Variants in PPM1L observed in about 807,000 individuals in gnomAD.
The protein encoded by PPM1L is protein phosphatase, Mg2+/Mn2+ dependent 1L.
PPM1L carries 13 observed loss-of-function variants against 31.4 expected under a neutral mutation model. The ratio of observed to expected loss-of-function variants is 0.41; its 90% CI spans 0.27 to 0.66. PPM1L has a LOEUF of 0.66. Ranked by LOEUF, PPM1L falls within the 30% of genes least tolerant of loss-of-function variation. The pLI is 0.29. For missense variants in PPM1L, 326 were observed against 453.7 expected (o/e 0.72, Z 2.56); for synonymous variants, 184 against 175.4 (o/e 1.05, Z -0.39).
At chr3:161,005,753 A>T (rs1407262550) in intron 2 of PPM1L, among the ~76,000 whole-genome samples, 1 of 152,230 alleles carries the variant, frequency 6.6e-6, no homozygotes, top group Non-Finnish European at 1.5e-5. Flanking sequence ...GTTAGCTATT[A>T]TTCTTTAGAC....
intron 1 of PPM1L, among the ~76,000 whole-genome samples, chr3:160,888,708 A>G (rs952346969): frequency 2.0e-5 from 3 of 152,206 alleles, no homozygotes; most frequent in East Asian, 1.9e-4. Flanking sequence ...CTCCACCTCA[A>G]ATCAACAGAA....
At position 161,069,309 on chromosome 3, in the gene PPM1L, A is replaced by T; in HGVS notation, c.*152A>T. On this transcript the variant is annotated 3_prime_UTR_variant, in exon 4 of 4. Transcript: ENST00000498165. Reference sequence around the variant, plus strand: ...GGTGGTCTTAGGTCTATAATCAGTGACGAACAGAGGGTGCCCTTGGCCAAT... The same window carrying T: ...GGTGGTCTTAGGTCTATAATCAGTGTCGAACAGAGGGTGCCCTTGGCCAAT... 1.5e-6 allele frequency: 1 copy of T among 649,672 alleles called. No individual in the cohort carries two copies. The highest frequency in any genetic ancestry group is 2.6e-6 in the Non-Finnish European group (1 of 385,712). The allele number at this position is 649,672 out of a possible 1,614,324, so 40.2% of individuals were successfully genotyped here.
chr3:160,971,430 G>T (rs551828779), intron 2 of PPM1L, among the ~76,000 whole-genome samples: 1 of 152,342 alleles, frequency 6.6e-6, no homozygotes, highest in African/African-American at 2.4e-5. Flanking sequence ...CAGGTGCACA[G>T]TGTGTGCATT....
At chr3:160,871,995 T>A (rs141612696) in intron 1 of PPM1L, among the ~76,000 whole-genome samples, 118 of 152,338 alleles carry the variant, frequency 7.7e-4, no homozygotes, top group Middle Eastern at 3.4e-3. Flanking sequence ...AGCTGTGTTA[T>A]GTGCAACACA....
chr3:160,986,437 GA>G (rs1043513488), intron 2 of PPM1L, among the ~76,000 whole-genome samples: 3 of 151,334 alleles, frequency 2.0e-5, no homozygotes, highest in African/African-American at 7.3e-5. Flanking sequence ...CCCTCTTTAG[GA>G]AAAAAATAAA....
intron 2 of PPM1L, among the ~76,000 whole-genome samples, chr3:160,969,653 T>C (rs1442497178): frequency 6.6e-6 from 1 of 152,224 alleles, no homozygotes; most frequent in Non-Finnish European, 1.5e-5. Context: ...CCTTACTTTA[T>C]ATCTTCAATC....
At chr3:161,067,015 C>A (rs1007769601) in intron 3 of PPM1L, among the ~76,000 whole-genome samples, 3 of 152,220 alleles carry the variant, frequency 2.0e-5, no homozygotes, top group Admixed American at 2.0e-4. Flanking sequence ...CTTTGATGAC[C>A]TCCAGGCAGT....
intron 1 of PPM1L, among the ~76,000 whole-genome samples, chr3:160,951,031 C>CCA (rs1715561436): frequency 6.6e-6 from 1 of 152,210 alleles, no homozygotes; most frequent in South Asian, 2.1e-4. Context: ...TATTACTTTT[C>CCA]ATTTTTCTTC....
In PPM1L at chr3:160,970,445, A is replaced by ATTTTTTTTTTTTTTTTTTT. The variant is rs1491444648; in HGVS notation, c.574+8536_574+8537insTTTTTTTTTTTTTTTTTTT. On this transcript the variant is annotated intron_variant, in intron 2 of 3. Transcript: ENST00000498165. ...TTATCAATCTTTTTAACCAAGCTGAATATTTTTTTTTTTTTTTTTTTTGAG... is the reference window on the plus strand; with the variant it reads ...TTATCAATCTTTTTAACCAAGCTGAATTTTTTTTTTTTTTTTTTTTATTTTTTTTTTTTTTTTTTTTGAG... 1.5e-4 allele frequency among the ~76,000 whole-genome samples: 5 copies of ATTTTTTTTTTTTTTTTTTT among 33,462 alleles called. 2 individuals are homozygous for ATTTTTTTTTTTTTTTTTTT. The highest frequency in any genetic ancestry group is 2.6e-4 in the Non-Finnish European group (2 of 7,774). 22.0% of individuals were successfully genotyped at this position (33,462 alleles called of 152,430 possible).
chr3:160,917,371 A>G (rs1180720256), intron 1 of PPM1L, among the ~76,000 whole-genome samples: 2 of 152,248 alleles, frequency 1.3e-5, no homozygotes, highest in Non-Finnish European at 1.5e-5. Flanking sequence ...CAGGTCAGTG[A>G]AAGTGTTTCA....
intron 1 of PPM1L, among the ~76,000 whole-genome samples, chr3:160,849,510 T>C (rs1216417421): frequency 6.6e-6 from 1 of 151,802 alleles, no homozygotes; most frequent in African/African-American, 2.4e-5. Context: ...AAGCTCCACC[T>C]CCCGGGTTCA....
At chr3:160,947,418 G>A (rs1183783116) in intron 1 of PPM1L, among the ~76,000 whole-genome samples, 1 of 152,030 alleles carries the variant, frequency 6.6e-6, no homozygotes, top group Non-Finnish European at 1.5e-5. Flanking sequence ...TTTCCTGTCT[G>A]TGTTAGCTTC....
intron 1 of PPM1L, among the ~76,000 whole-genome samples, chr3:160,788,712 C>T (rs1413870318): frequency 6.6e-6 from 1 of 151,550 alleles, no homozygotes; most frequent in Non-Finnish European, 1.5e-5. Context: ...TTATTTTTAC[C>T]TTTGATCAAT....
At position 161,070,487 on chromosome 3, in the gene PPM1L, T is replaced by C. The variant is rs544785773; in HGVS notation, c.*1330T>C. On this transcript the variant is annotated 3_prime_UTR_variant, in exon 4 of 4. Transcript: ENST00000498165. Reference sequence around the variant, plus strand: ...AGTCAGGAATTCAAGCGTGAACCCATATTGATAAGTGGGCCAGAATTATTT... The same window carrying C: ...AGTCAGGAATTCAAGCGTGAACCCACATTGATAAGTGGGCCAGAATTATTT... The C allele has an allele frequency of 5.9e-5, 9 of 152,310 alleles. No individual in the cohort carries two copies. The highest frequency in any genetic ancestry group is 1.9e-4 in the African/African-American group (8 of 41,568). The allele number at this position is 152,310 out of a possible 1,614,324, so 9.4% of individuals were successfully genotyped here.
chr3:161,052,854 G>A (rs1719314804), intron 2 of PPM1L, among the ~76,000 whole-genome samples: 1 of 152,194 alleles, frequency 6.6e-6, no homozygotes, highest in South Asian at 2.1e-4. Context: ...GCTTCAGACT[G>A]TGCCTCTCAT....
intron 1 of PPM1L, among the ~76,000 whole-genome samples, chr3:160,917,488 T>C (rs959221668): frequency 5.3e-5 from 8 of 152,184 alleles, no homozygotes; most frequent in African/African-American, 1.4e-4. Context: ...ATGACTAAAA[T>C]AGATATTATA....
chr3:161,020,124 CA>C (rs11363095), intron 2 of PPM1L, among the ~76,000 whole-genome samples: 43,641 of 115,206 alleles, frequency 0.38, 6,459 homozygotes, highest in East Asian at 0.6. Flanking sequence ...GACTCCACCT[CA>C]AAAAAAAAAA....
intron 1 of PPM1L, among the ~76,000 whole-genome samples, chr3:160,925,733 A>G (rs1714565023): frequency 6.6e-6 from 1 of 152,220 alleles, no homozygotes; most frequent in Non-Finnish European, 1.5e-5. Flanking sequence ...AATCAGTGAT[A>G]TAAGTAAGAC....
intron 1 of PPM1L, among the ~76,000 whole-genome samples, chr3:160,927,664 G>A (rs761237933): frequency 3.9e-5 from 6 of 152,142 alleles, no homozygotes; most frequent in African/African-American, 1.4e-4. Context: ...ACGTAAATGC[G>A]TGTTAGTGGT....
Sources: gnomAD v4.1 joint callset for allele counts (sites outside exome capture counted in the v4.1 genomes callset) on GRCh38, gnomAD v4.1.1 for gene constraint, MANE v1.5 for transcripts, NCBI Gene and HGNC (gene_info 2026-07-23, HGNC 2026-07-21) for gene names.